Variants in C2orf81 observed in about 807,000 individuals in gnomAD.
C2orf81 encodes chromosome 2 open reading frame 81, also known as uncharacterized protein C2orf81.
Under a neutral mutation model 7.9 loss-of-function variants are expected in C2orf81, and 5 were observed. That is an observed-to-expected ratio of 0.63 (90% CI 0.33 to 1.33). C2orf81 has a LOEUF of 1.33. Ranked by LOEUF, C2orf81 falls within the 40% of genes most tolerant of loss-of-function variation. The pLI, the probability that C2orf81 is intolerant of heterozygous loss-of-function variation, is 0.05. For missense variants in C2orf81, 781 were observed against 830.4 expected (o/e 0.94, Z 0.73); for synonymous variants, 346 against 367.4 (o/e 0.94, Z 0.66).
rs1323228918 is a variant in C2orf81, at chr2:74,415,266, T to C, written c.911A>G (p.Tyr304Cys). 16 of 1,551,096 alleles carry C rather than the reference T, an allele frequency of 1.0e-5. No homozygotes were observed. Among genetic ancestry groups the C allele is most frequent in the Non-Finnish European group, 1.3e-5 (15 of 1,146,958 alleles). ...LGFHLSLEDL[Y>C]CCMPQLDAAG... ...CGCGTCCAGTTGAGGCATGCAACAG[T>C]AGAGGTCTTCCAACGACAAATGGAA... The change falls in exon 3 of 3, where the codon TAC becomes TGC. Residue 304 changes from tyrosine to cysteine, a missense_variant. Physicochemically the swap from Tyr to Cys is radical, Grantham distance 194. Transcript: ENST00000684111. The surrounding 1 kb of genome is among the most constrained non-coding windows in gnomAD (Gnocchi z 5.5).
rs1454958021 is a variant in C2orf81 at position 74,415,051 on chromosome 2, G to A, written c.1126C>T (p.Leu376=). The A allele has an allele frequency of 6.5e-7, 1 of 1,548,702 alleles. No individual in the cohort carries two copies. The highest frequency in any genetic ancestry group is 8.7e-7 in the Non-Finnish European group (1 of 1,145,874). ...TGGCACGGGAGCCTCGCAGGGTCCA[G>A]GCGTTTCACGGCCGCCTTGCGGCGC... The part of the protein sequence containing the change: ...RMRRKAAVKR[L]DPARLPCHWV... The change falls in exon 3 of 3, where the codon CTG becomes TTG. Residue 376 remains leucine, a synonymous_variant. Coordinates refer to ENST00000684111, the MANE Select transcript of C2orf81 (RefSeq NM_001316764.3). The surrounding 1 kb of genome is among the most constrained non-coding windows in gnomAD (Gnocchi z 5.5).
intron 1 of C2orf81, among the ~76,000 whole-genome samples, chr2:74,419,214 T>G (rs187531078): frequency 5.2e-4 from 78 of 150,224 alleles, no homozygotes; most frequent in Admixed American, 3.4e-3. Context: ...AAATAAAAAA[T>G]AGAAGAAGAA....
Position 74,415,914 on chromosome 2 carries a change from G to T in C2orf81, c.263C>A (p.Thr88Asn). 1 of 1,548,588 alleles carries T rather than the reference G, an allele frequency of 6.5e-7. No homozygotes were observed. The highest frequency in any genetic ancestry group is 1.4e-5 in the African/African-American group (1 of 73,128). Reference sequence around the variant, plus strand: ...CATGGCCTCCCGGGCCTGGCTGATGGTGAATGGAATGCACTGCGGAGGCGA... The same window carrying T: ...CATGGCCTCCCGGGCCTGGCTGATGTTGAATGGAATGCACTGCGGAGGCGA... ...VYLTQQCIPF[T>N]ISQAREAMLQ... The change falls in exon 3 of 3, where the codon ACC (threonine) becomes AAC (asparagine). Residue 88 changes from threonine (T) to asparagine (N), a missense_variant. By Grantham distance (65) the Thr-to-Asn change is moderately conservative (BLOSUM62 0). Coordinates refer to ENST00000684111, the MANE Select transcript of C2orf81 (RefSeq NM_001316764.3). The surrounding 1 kb of genome is among the most constrained non-coding windows in gnomAD (Gnocchi z 5.5).
intron 1 of C2orf81, chr2:74,418,565 T>A: frequency 1.4e-6 from 1 of 702,146 alleles, no homozygotes; most frequent in Non-Finnish European, 2.5e-6. Context: ...GACAGGCCAG[T>A]CTCCACCGCA....
chr2:74,419,268 C>T (rs565214830), intron 1 of C2orf81, among the ~76,000 whole-genome samples: 4 of 151,930 alleles, frequency 2.6e-5, no homozygotes, highest in Admixed American at 2.0e-4. Flanking sequence ...ACCAGCTGCT[C>T]GGGAGGCTGA....
chr2:74,418,529 C>A lies in C2orf81; in HGVS notation c.19-2288G>T, dbSNP rs371430131. On this transcript the variant is annotated intron_variant, in intron 1 of 2. Transcript: ENST00000684111. ...GCCTGCGGTGCATGCTCCGGTTTGC[C>A]GGGAGCAGCGGTGCTGGGCGCTGAG... is the stretch of plus-strand genomic sequence containing the variant. 1.8e-4 allele frequency: 153 copies of A among 857,392 alleles called. No homozygotes were observed. In the African/African-American group the frequency reaches 2.1e-3, roughly 12 times the overall value. The allele number at this position is 857,392 out of a possible 1,614,324, so 53.1% of individuals were successfully genotyped here.
At chr2:74,416,582 A>AAG (rs1433803617) in intron 1 of C2orf81, 3 of 158,588 alleles carry the variant, frequency 1.9e-5, no homozygotes, top group African/African-American at 4.8e-5. Flanking sequence ...AAAAAAAAAA[A>AAG]AAAAAAAGAA....
chr2:74,418,077 T>TGG, intron 1 of C2orf81: 2 of 398,588 alleles, frequency 5.0e-6, no homozygotes, highest in Non-Finnish European at 9.0e-6. Flanking sequence ...GGGTGGGAGG[T>TGG]GGGGGGTTGG....
Position 74,418,577 on chromosome 2 carries a change from C to T in C2orf81, c.19-2336G>A, listed in dbSNP as rs1292687548. 10 of 669,686 alleles carry T rather than the reference C, an allele frequency of 1.5e-5. No individual in the cohort carries two copies. The Middle Eastern group carries it at 9.4e-4, about 63-fold the overall frequency. The allele number at this position is 669,686 out of a possible 1,614,324, so 41.5% of individuals were successfully genotyped here. On this transcript the variant is annotated intron_variant, in intron 1 of 2. Transcript: ENST00000684111. ...GAGGACAGGCCAGTCTCCACCGCAG[C>T]CGCCCCTGGTCGCAAATGCGGATGC...
intron 1 of C2orf81, chr2:74,416,603 A>C (rs1448699752): frequency 6.2e-6 from 1 of 160,452 alleles, no homozygotes; most frequent in Non-Finnish European, 1.4e-5. Context: ...AAAGAAAAAG[A>C]AAGAAAAAAG....
At chr2:74,417,800 C>T in intron 1 of C2orf81, 1 of 523,230 alleles carries the variant, frequency 1.9e-6, no homozygotes, top group Non-Finnish European at 3.4e-6. Context: ...AGAGCAATGT[C>T]ACCACCAAGG....
In C2orf81 at chr2:74,415,665, G is replaced by A. The variant is rs901879967; in HGVS notation, c.512C>T (p.Pro171Leu). ...GASPDSSAIA[P>L]ALPFPTSHCP... ...GTGAGATGTCGGAAAGGGGAGAGCA[G>A]GAGCAATGGCAGAGGAGTCCGGAGA... is the stretch of plus-strand genomic sequence containing the variant. Residue 171 changes from proline (P) to leucine (L), a missense_variant, in exon 3 of 3, where the codon CCT (proline) becomes CTT (leucine). By Grantham distance (98) the Pro-to-Leu change is moderately conservative. Transcript: ENST00000684111. The surrounding 1 kb of genome is among the most constrained non-coding windows in gnomAD (Gnocchi z 5.5). 17 of 1,551,268 alleles carry A rather than the reference G, an allele frequency of 1.1e-5. No individual in the cohort carries two copies. The highest frequency in any genetic ancestry group is 1.7e-4 in the Middle Eastern group (1 of 6,014).
In C2orf81 at chr2:74,416,179, C is replaced by T; in HGVS notation, c.81G>A (p.Pro27=). Residue 27 remains proline (P), a synonymous_variant, in exon 2 of 3, where the codon CCG becomes CCA. Coordinates refer to ENST00000684111, the MANE Select transcript of C2orf81 (RefSeq NM_001316764.3). ...CCACCTGCGGCACTGGCACAGTGGG[C>T]GGCCGCACTTTTTCCGCCTTGGACC... is the stretch of plus-strand genomic sequence containing the variant. The part of the protein sequence containing the change: ...VTRSKAEKVR[P]PTVPVPQVDI... 3 of 1,466,450 alleles carry T rather than the reference C, an allele frequency of 2.0e-6. No individual in the cohort carries two copies. Among genetic ancestry groups the T allele is most frequent in the Non-Finnish European group, 2.7e-6 (3 of 1,094,278 alleles). 90.8% of individuals were successfully genotyped at this position (1,466,450 alleles called of 1,614,324 possible).
At position 74,415,448 on chromosome 2, in the gene C2orf81, C is replaced by A. The variant is rs1216726446; in HGVS notation, c.729G>T (p.Ala243=). 6.5e-7 allele frequency: 1 copy of A among 1,534,170 alleles called. No individual in the cohort carries two copies. The highest frequency in any genetic ancestry group is 8.8e-7 in the Non-Finnish European group (1 of 1,134,704). The change falls in exon 3 of 3, where the codon GCG becomes GCT. Residue 243 remains alanine (A), a synonymous_variant. Transcript: ENST00000684111. This position sits in a 1 kb window ranked among gnomAD's most constrained non-coding sequence, Gnocchi z 5.5. ...EAGPGGPVEE[A]DGQSRGLSSA... The stretch of plus-strand genomic sequence containing the variant: ...AGGAGAGGCCTCTAGACTGGCCGTC[C>A]GCTTCCTCTACAGGACCTCCGGGCC...
In C2orf81 at chr2:74,415,552, T is replaced by C. The variant is rs1573211295; in HGVS notation, c.625A>G (p.Met209Val). 1.2e-5 allele frequency: 19 copies of C among 1,549,818 alleles called. No homozygotes were observed. Among genetic ancestry groups the C allele is most frequent in the Non-Finnish European group, 1.6e-5 (18 of 1,145,836 alleles). ...TGCGGAGAAGGCTCCCAAGATTCCA[T>C]CTGCTCCTGGGAGCCTCGACCCATC... The part of the protein sequence containing the change: ...SWMGRGSQEQ[M>V]ESWEPSPQLR... The change falls in exon 3 of 3, where the codon ATG becomes GTG. Residue 209 changes from methionine (M) to valine (V), a missense_variant. Physicochemically the swap from Met to Val is conservative, Grantham distance 21 (BLOSUM62 1). Coordinates refer to ENST00000684111, the MANE Select transcript of C2orf81 (RefSeq NM_001316764.3). The surrounding 1 kb of genome is among the most constrained non-coding windows in gnomAD (Gnocchi z 5.5).
chr2:74,416,045 A>G lies in C2orf81; in HGVS notation c.215T>C (p.Met72Thr), dbSNP rs1050871385. 17 of 1,549,808 alleles carry G rather than the reference A, an allele frequency of 1.1e-5. No individual in the cohort carries two copies. Among genetic ancestry groups the G allele is most frequent in the Middle Eastern group, 1.7e-4 (1 of 6,006 alleles). Residue 72 changes from methionine to threonine, a missense_variant, in exon 2 of 3, where the codon ATG becomes ACG. By Grantham distance (81) the Met-to-Thr change is moderately conservative (BLOSUM62 -1). Transcript: ENST00000684111. ...CAGGTAGACTTTGAAAGCAGAGTCC[A>G]TGACTCGAGCCAGCAAGTCGGCCAA... Reference protein sequence around the residue: ...DILADLLARVMDSAFKVYLTQ... With the variant: ...DILADLLARVTDSAFKVYLTQ...
At position 74,414,827 on chromosome 2, in the gene C2orf81, G is replaced by A. The variant is rs1366426144; in HGVS notation, c.1350C>T (p.Pro450=). Residue 450 remains proline, a synonymous_variant, in exon 3 of 3, where the codon CCC becomes CCT. Transcript: ENST00000684111. This position sits in a 1 kb window ranked among gnomAD's most constrained non-coding sequence, Gnocchi z 5.3. The stretch of plus-strand genomic sequence containing the variant: ...AATTTAAAGTGGGGAACAGGAGTGC[G>A]GGGCCCGAGTCCAAGTCACGGAAAG... ...GIPFRDLDSG[P]ALLFPTLNLG... is the part of the protein sequence containing the mutation. 1.3e-6 allele frequency: 2 copies of A among 1,551,472 alleles called. No individual in the cohort carries two copies. The highest frequency in any genetic ancestry group is 2.4e-5 in the East Asian group (1 of 40,918).
In C2orf81 at chr2:74,415,392, A is replaced by G. The variant is rs1451710083; in HGVS notation, c.785T>C (p.Leu262Pro). 2.0e-6 allele frequency: 3 copies of G among 1,522,824 alleles called. No homozygotes were observed. Among genetic ancestry groups the G allele is most frequent in the Non-Finnish European group, 2.7e-6 (3 of 1,129,282 alleles). 94.3% of individuals were successfully genotyped at this position (1,522,824 alleles called of 1,614,324 possible). Residue 262 changes from leucine (L) to proline (P), a missense_variant, in exon 3 of 3, where the codon CTG (leucine) becomes CCG (proline). Leu to Pro is a moderately conservative substitution (Grantham distance 98). Transcript: ENST00000684111. The surrounding 1 kb of genome is among the most constrained non-coding windows in gnomAD (Gnocchi z 5.5). Reference protein sequence around the residue: ...SAGSLSASFQLSVEEAPADDA... With the variant: ...SAGSLSASFQPSVEEAPADDA... ...GTCGGCAGGCGCCTCCTCCACCGAC[A>G]GTTGGAAGCTCGCGCTCAAGGACCC...
Position 74,414,861 on chromosome 2 carries a change from G to T in C2orf81, c.1316C>A (p.Pro439Gln). ...VSPAAFFPLR[P>Q]GIPFRDLDSG... ...GTCCAAGTCACGGAAAGGAATGCCT[G>T]GCCGGAGAGGGAAGAACGCTGCCGG... Residue 439 changes from proline to glutamine, a missense_variant, in exon 3 of 3, where the codon CCA becomes CAA. Pro to Gln is a moderately conservative substitution (Grantham distance 76). Transcript: ENST00000684111. The surrounding 1 kb of genome is among the most constrained non-coding windows in gnomAD (Gnocchi z 5.3). The T allele has an allele frequency of 6.4e-7, 1 of 1,550,602 alleles. No individual in the cohort carries two copies. The highest frequency in any genetic ancestry group is 1.7e-4 in the Middle Eastern group (1 of 5,988).
Sources: gnomAD v4.1 joint callset for allele counts (sites outside exome capture counted in the v4.1 genomes callset) on GRCh38, gnomAD v4.1.1 for gene constraint, Gnocchi (gnomAD v3.1) non-coding constraint, MANE v1.5 for transcripts, NCBI Gene and HGNC (gene_info 2026-07-23, HGNC 2026-07-21) for gene names.